TBC1D22B: variants seen among roughly 807,000 people sequenced by gnomAD.
TBC1D22B encodes chromosome 6 open reading frame 197.
Under a neutral mutation model 69.1 loss-of-function variants are expected in TBC1D22B, and 32 were observed. The ratio of observed to expected loss-of-function variants is 0.46; its 90% CI spans 0.35 to 0.62. The LOEUF (loss-of-function observed/expected upper bound fraction) is 0.62, where lower values mean the gene tolerates loss of function less well. Ranked by LOEUF, TBC1D22B falls within the 20% of genes least tolerant of loss-of-function variation. The pLI, the probability that TBC1D22B is intolerant of heterozygous loss-of-function variation, is 0.00. For synonymous variants in TBC1D22B, 206 were observed against 229.8 expected (o/e 0.90, Z 0.94); for missense variants, 462 against 630.9 (o/e 0.73, Z 2.87).
At chr6:37,320,486 ACTTC>A (rs1156522847) in intron 12 of TBC1D22B, among the ~76,000 whole-genome samples, 4 of 152,146 alleles carry the variant, frequency 2.6e-5, no homozygotes, top group African/African-American at 9.7e-5. Context: ...TAATATTAAT[ACTTC>A]CTTTAGTGTA....
At chr6:37,274,390 CTT>C (rs1766598556) in intron 2 of TBC1D22B, among the ~76,000 whole-genome samples, 1 of 152,208 alleles carries the variant, frequency 6.6e-6, no homozygotes, top group Admixed American at 6.5e-5. Flanking sequence ...TGTGGCCACT[CTT>C]TTTCAACATA....
chr6:37,317,597 A>T (rs974868723), intron 12 of TBC1D22B, among the ~76,000 whole-genome samples: 4 of 152,222 alleles, frequency 2.6e-5, no homozygotes, highest in Non-Finnish European at 4.4e-5. Context: ...GGAGACATAC[A>T]GTAAATAACA....
intron 1 of TBC1D22B, among the ~76,000 whole-genome samples, chr6:37,263,443 CTG>C (rs1234655745): frequency 6.6e-6 from 1 of 152,174 alleles, no homozygotes; most frequent in African/African-American, 2.4e-5. Context: ...GTTTATGGAT[CTG>C]TGAATATATG....
chr6:37,308,374 C>A lies in TBC1D22B; in HGVS notation c.983-4544C>A, dbSNP rs544637817. Among the ~76,000 whole-genome samples the A allele has an allele frequency of 1.2e-4, 18 of 152,310 alleles. No homozygotes were observed. In the South Asian group the frequency reaches 1.9e-3, roughly 16 times the overall value. ...GAAGCCCTTCAGAGAGCATTTGCTCCTCCCTTTCTCCACTGCTTTTTGCTG... is the reference window on the plus strand; with the variant it reads ...GAAGCCCTTCAGAGAGCATTTGCTCATCCCTTTCTCCACTGCTTTTTGCTG... On this transcript the variant is annotated intron_variant, in intron 8 of 12. Coordinates refer to ENST00000373491, the MANE Select transcript of TBC1D22B (RefSeq NM_017772.4).
At chr6:37,286,064 GATCATACCTGC>G (rs1256802289) in intron 6 of TBC1D22B, among the ~76,000 whole-genome samples, 1 of 152,180 alleles carries the variant, frequency 6.6e-6, no homozygotes, top group Non-Finnish European at 1.5e-5. Flanking sequence ...TACCTACTTG[GATCATACCTGC>G]TACATACATG....
intron 10 of TBC1D22B, 45 bp from the exon 11 acceptor site, chr6:37,316,658 G>A (rs746172442): frequency 6.2e-7 from 1 of 1,609,966 alleles, no homozygotes; most frequent in Admixed American, 1.7e-5. Context: ...GCCCTTTCAG[G>A]GTCCAGTCCC....
chr6:37,320,137 C>T (rs938140006), intron 12 of TBC1D22B, among the ~76,000 whole-genome samples: 3 of 152,134 alleles, frequency 2.0e-5, no homozygotes, highest in African/African-American at 7.2e-5. Flanking sequence ...ACTTGAAGAA[C>T]AGGGAAAAAG....
At chr6:37,289,583 C>T (rs6907008) in intron 7 of TBC1D22B, among the ~76,000 whole-genome samples, 4,856 of 152,220 alleles carry the variant, frequency 0.032, 245 homozygotes, top group African/African-American at 0.11. Flanking sequence ...TACAGCCAGG[C>T]GCCAAGGATT....
At chr6:37,285,251 G>A (rs1766965886) in intron 6 of TBC1D22B, among the ~76,000 whole-genome samples, 1 of 149,562 alleles carries the variant, frequency 6.7e-6, no homozygotes, top group Non-Finnish European at 1.5e-5. Context: ...TGATGTCTTA[G>A]GTAACAGAAG....
At chr6:37,299,995 T>C (rs1292357753) in intron 8 of TBC1D22B, among the ~76,000 whole-genome samples, 1 of 136,658 alleles carries the variant, frequency 7.3e-6, no homozygotes, top group African/African-American at 2.8e-5. Context: ...GGTGACAGAG[T>C]GAGACTCTGT....
chr6:37,293,197 C>A (rs1180129283), intron 8 of TBC1D22B, among the ~76,000 whole-genome samples: 1 of 151,820 alleles, frequency 6.6e-6, no homozygotes, highest in African/African-American at 2.4e-5. Context: ...TGTGCCTCAG[C>A]CTCCCGAGTA....
rs977155431 is a variant in TBC1D22B, at chr6:37,332,360, A to G, written c.*1188A>G. On this transcript the variant is annotated 3_prime_UTR_variant, in exon 13 of 13. Coordinates refer to ENST00000373491, the MANE Select transcript of TBC1D22B (RefSeq NM_017772.4). ...CTGCAGAGGCGGGCAAGCCCTCTCT[A>G]TGTGTTTTTATCCCCACCTTCCCCG... 3 of 152,038 alleles carry G rather than the reference A, an allele frequency of 2.0e-5. No individual in the cohort carries two copies. The highest frequency in any genetic ancestry group is 1.9e-4 in the East Asian group (1 of 5,158). 9.4% of individuals were successfully genotyped at this position (152,038 alleles called of 1,614,324 possible).
intron 12 of TBC1D22B, among the ~76,000 whole-genome samples, chr6:37,325,455 C>T (rs1400488113): frequency 1.3e-5 from 2 of 151,868 alleles, no homozygotes; most frequent in African/African-American, 2.4e-5. Flanking sequence ...TTCCCTGCCC[C>T]GGTAGTGTCT....
At chr6:37,261,570 G>C (rs1039362332) in intron 1 of TBC1D22B, among the ~76,000 whole-genome samples, 4 of 151,956 alleles carry the variant, frequency 2.6e-5, no homozygotes, top group Admixed American at 6.6e-5. Context: ...TCTAAAATAG[G>C]GACAGAGTAT....
At chr6:37,279,238 A>G (rs1391165905) in intron 2 of TBC1D22B, 66 bp from the exon 3 acceptor site, 1 of 1,396,310 alleles carries the variant, frequency 7.2e-7, no homozygotes, top group African/African-American at 1.4e-5. Context: ...TATTACAATA[A>G]TAAGCAAATG....
intron 12 of TBC1D22B, among the ~76,000 whole-genome samples, chr6:37,325,250 C>T (rs1768356887): frequency 6.6e-6 from 1 of 152,138 alleles, no homozygotes; most frequent in Non-Finnish European, 1.5e-5. Context: ...GTACCTGTGC[C>T]TGGCCCTTTT....
intron 2 of TBC1D22B, among the ~76,000 whole-genome samples, chr6:37,271,699 T>C (rs1466610043): frequency 6.6e-6 from 1 of 152,258 alleles, no homozygotes; most frequent in Non-Finnish European, 1.5e-5. Context: ...TATCAGTATT[T>C]AAACATTTAA....
intron 10 of TBC1D22B, among the ~76,000 whole-genome samples, chr6:37,316,096 A>C (rs948758644): frequency 1.3e-5 from 2 of 152,230 alleles, no homozygotes; most frequent in South Asian, 4.1e-4. Flanking sequence ...TGGAACAGCA[A>C]TCAGGTTTGT....
At chr6:37,329,284 A>C (rs1180609769) in intron 12 of TBC1D22B, among the ~76,000 whole-genome samples, 1 of 152,136 alleles carries the variant, frequency 6.6e-6, no homozygotes, top group Admixed American at 6.5e-5. Flanking sequence ...TCCTTTCCAA[A>C]ATGTCTTCTT....
Sources: gnomAD v4.1 joint callset for allele counts (sites outside exome capture counted in the v4.1 genomes callset) on GRCh38, gnomAD v4.1.1 for gene constraint, MANE v1.5 for transcripts, NCBI Gene and HGNC (gene_info 2026-07-23, HGNC 2026-07-21) for gene names.